The following PPRC1 variants were observed in gnomAD, a reference collection of about 807,000 sequenced individuals.
PPRC1 encodes the protein peroxisome proliferator-activated receptor gamma coactivator-related protein 1.
Under a neutral mutation model 132.5 loss-of-function variants are expected in PPRC1, and 23 were observed. The observed-to-expected ratio is 0.17, with a 90% CI of 0.12 to 0.25. The LOEUF (loss-of-function observed/expected upper bound fraction) is 0.25. Ranked by LOEUF, PPRC1 falls within the 10% of genes least tolerant of loss-of-function variation. The pLI is 1.00. For missense variants in PPRC1, 2,006 were observed against 2,089.1 expected (o/e 0.96, Z 0.78); for synonymous variants, 872 against 833.5 (o/e 1.05, Z -0.80).
At chr10:102,128,313 T>C (rs2068493637), upstream of PPRC1, among the ~76,000 whole-genome samples, 1 of 152,032 alleles carries the variant, frequency 6.6e-6, no homozygotes, top group South Asian at 2.1e-4. Context: ...CTAATTTTTG[T>C]ATTTTTAGTA....
chr10:102,134,197 A>C (rs777531100), intron 1 of PPRC1, among the ~76,000 whole-genome samples: 15 of 152,076 alleles, frequency 9.9e-5, no homozygotes, highest in Admixed American at 3.3e-4. Flanking sequence ...TCCTCTCCTC[A>C]CTTTTTCCTC....
In PPRC1 at chr10:102,147,190, C is replaced by T. The variant is rs778910970; in HGVS notation, c.4198C>T (p.Arg1400Trp). 47 of 1,613,878 alleles carry T rather than the reference C, an allele frequency of 2.9e-5. No individual in the cohort carries two copies. The highest frequency in any genetic ancestry group is 6.7e-5 in the Admixed American group (4 of 60,008). Reference sequence around the variant, plus strand: ...TCCCCCTGAACCCTCAGCCAAGCAGCGGTCAATGCGCTGTTACCGAAAAGC... The same window carrying T: ...TCCCCCTGAACCCTCAGCCAAGCAGTGGTCAATGCGCTGTTACCGAAAAGC... ...RTPPEPSAKQ[R>W]SMRCYRKACR... is the part of the protein sequence containing the mutation. The change falls in exon 9 of 14, where the codon CGG becomes TGG. Residue 1400 changes from arginine (R) to tryptophan (W), a missense_variant. Transcript: ENST00000278070.
Position 102,140,761 on chromosome 10 carries a change from C to T in PPRC1, c.2253C>T (p.Leu751=), listed in dbSNP as rs1484801663. Residue 751 remains leucine, a synonymous_variant, in exon 5 of 14, where the codon CTC becomes CTT. Coordinates refer to ENST00000278070, the MANE Select transcript of PPRC1 (RefSeq NM_015062.5). ...CCCATGAAGCCAGACCTCGGCCTCTCAGCTTATCTGAGTACCGGCGACGAA... is the reference window on the plus strand; with the variant it reads ...CCCATGAAGCCAGACCTCGGCCTCTTAGCTTATCTGAGTACCGGCGACGAA... ...ATTHEARPRP[L]SLSEYRRRRQ... 6.2e-7 allele frequency: 1 copy of T among 1,613,912 alleles called. No individual in the cohort carries two copies. Among genetic ancestry groups the T allele is most frequent in the East Asian group, 2.2e-5 (1 of 44,888 alleles).
chr10:102,140,826 A>G lies in PPRC1; in HGVS notation c.2318A>G (p.Gln773Arg). The change falls in exon 5 of 14, where the codon CAG becomes CGG. Residue 773 changes from glutamine to arginine, a missense_variant. Gln to Arg is a conservative substitution (Grantham distance 43, BLOSUM62 1). Coordinates refer to ENST00000278070, the MANE Select transcript of PPRC1 (RefSeq NM_015062.5). ...RQAETEERSP[Q>R]PPTGKWPSLP... ...GCAGAAACAGAAGAGAGAAGTCCAC[A>G]GCCCCCAACTGGGAAGTGGCCTAGC... 1.2e-6 allele frequency: 2 copies of G among 1,614,034 alleles called. No individual in the cohort carries two copies. Among genetic ancestry groups the G allele is most frequent in the Non-Finnish European group, 8.5e-7 (1 of 1,180,014 alleles).
At chr10:102,144,937 CT>C in intron 7 of PPRC1, 82 bp from the exon 8 acceptor site, 1 of 1,138,436 alleles carries the variant, frequency 8.8e-7, no homozygotes, top group Non-Finnish European at 1.3e-6. Context: ...CACCCACCCC[CT>C]CCCATTGATT....
chr10:102,143,127 A>G (rs765541822), intron 6 of PPRC1, 29 bp downstream of exon 6: 2 of 1,600,084 alleles, frequency 1.2e-6, no homozygotes, highest in East Asian at 2.2e-5. Context: ...TTTTGCTCCA[A>G]CTCTTTTTTT....
Position 102,141,494 on chromosome 10 carries a change from A to C in PPRC1, c.2986A>C (p.Thr996Pro), listed in dbSNP as rs766876349. The C allele has an allele frequency of 8.1e-6, 13 of 1,613,604 alleles. No homozygotes were observed. The African/African-American group carries it at 9.4e-5, about 12-fold the overall frequency. Reference protein sequence around the residue: ...PGPQHAPFWSTVPPPPLPPAS... With the variant: ...PGPQHAPFWSPVPPPPLPPAS... ...GCCTCAACATGCTCCATTCTGGTCTACTGTTCCCCCACCTCCTTTGCCTCC... is the reference window on the plus strand; with the variant it reads ...GCCTCAACATGCTCCATTCTGGTCTCCTGTTCCCCCACCTCCTTTGCCTCC... The change falls in exon 5 of 14, where the codon ACT becomes CCT. Residue 996 changes from threonine (T) to proline (P), a missense_variant. By Grantham distance (38) the Thr-to-Pro change is conservative (BLOSUM62 -1). Around this residue, in one of 2 missense-constraint regions of PPRC1, gnomAD observed 1,914 missense variants for 1,917.2 expected, o/e 1.00. Coordinates refer to ENST00000278070, the MANE Select transcript of PPRC1 (RefSeq NM_015062.5).
chr10:102,149,729 C>T (rs1310714865), intron 13 of PPRC1, among the ~76,000 whole-genome samples, 197 bp from the exon 14 acceptor site: 1 of 110,652 alleles, frequency 9.0e-6, no homozygotes, highest in South Asian at 3.2e-4. Context: ...GAGACTGTCT[C>T]AAAAAAAAAA....
At chr10:102,146,411 T>C (rs565661802) in intron 8 of PPRC1, among the ~76,000 whole-genome samples, 1 of 152,146 alleles carries the variant, frequency 6.6e-6, no homozygotes, top group South Asian at 2.1e-4. Flanking sequence ...GAGCTTAGAC[T>C]CTAGGACCTG....
At chr10:102,137,217 TA>T (rs1186519926) in intron 1 of PPRC1, among the ~76,000 whole-genome samples, 1 of 152,032 alleles carries the variant, frequency 6.6e-6, no homozygotes, top group African/African-American at 2.4e-5. Flanking sequence ...TGGGCGCCTA[TA>T]ATCCCAGCTG....
At chr10:102,134,396 G>A (rs1272024952) in intron 1 of PPRC1, among the ~76,000 whole-genome samples, 2 of 152,022 alleles carry the variant, frequency 1.3e-5, no homozygotes, top group East Asian at 1.9e-4. Flanking sequence ...TTTTTTCTTG[G>A]CCTTCAAAAA....
chr10:102,147,273 C>T lies in PPRC1; in HGVS notation c.4281C>T (p.Ser1427=). 2 of 1,613,048 alleles carry T rather than the reference C, an allele frequency of 1.2e-6. No homozygotes were observed. Among genetic ancestry groups the T allele is most frequent in the Non-Finnish European group, 1.7e-6 (2 of 1,180,038 alleles). The change falls in exon 9 of 14, where the codon AGC becomes AGT. Residue 1427 remains serine, a synonymous_variant. Coordinates refer to ENST00000278070, the MANE Select transcript of PPRC1 (RefSeq NM_015062.5). ...QGWQGRRGRN[S]RSVSSGSNRT... is the part of the protein sequence containing the mutation. Reference sequence around the variant, plus strand: ...GGCAGGGCCGCCGAGGCCGCAACAGCCGTTCTGTCAGCTCTGGGTCCAACC... The same window carrying T: ...GGCAGGGCCGCCGAGGCCGCAACAGTCGTTCTGTCAGCTCTGGGTCCAACC...
In PPRC1 at chr10:102,140,594, G is replaced by A; in HGVS notation, c.2086G>A (p.Gly696Ser). The A allele has an allele frequency of 6.2e-7, 1 of 1,614,042 alleles. No homozygotes were observed. Among genetic ancestry groups the A allele is most frequent in the Admixed American group, 1.7e-5 (1 of 59,998 alleles). The change falls in exon 5 of 14, where the codon GGT becomes AGT. Residue 696 changes from glycine to serine, a missense_variant. Coordinates refer to ENST00000278070, the MANE Select transcript of PPRC1 (RefSeq NM_015062.5). ...VKSRPTDPRR[G>S]AVSSALGGSA... The stretch of plus-strand genomic sequence containing the variant: ...GTCCAGACCAACTGATCCCAGACGT[G>A]GTGCAGTGTCATCAGCCCTGGGGGG...
At chr10:102,121,316 C>T in the PPRC1 span, among the ~76,000 whole-genome samples, 1 of 152,184 alleles carries the variant, frequency 6.6e-6, no homozygotes, top group Non-Finnish European at 1.5e-5. Context: ...GCCTCCGACC[C>T]CCCTGCCTGG....
chr10:102,128,732 A>G (rs1488181022), upstream of PPRC1, among the ~76,000 whole-genome samples: 1 of 144,938 alleles, frequency 6.9e-6, no homozygotes, highest in South Asian at 2.2e-4. Flanking sequence ...CTCCTGCCTC[A>G]GCCTCCTGAG....
chr10:102,129,436 C>A (rs1454189791), upstream of PPRC1, among the ~76,000 whole-genome samples: 1 of 152,076 alleles, frequency 6.6e-6, no homozygotes, highest in Non-Finnish European at 1.5e-5. Context: ...GATATATTAC[C>A]TTTTTTGAGT....
chr10:102,140,872 G>A lies in PPRC1; in HGVS notation c.2364G>A (p.Gly788=). Residue 788 remains glycine (G), a synonymous_variant, in exon 5 of 14, where the codon GGG becomes GGA. Transcript: ENST00000278070. The part of the protein sequence containing the change: ...KWPSLPETPT[G]LADIPCLVIP... Reference sequence around the variant, plus strand: ...CTAGCCTTCCAGAGACTCCCACAGGGCTGGCAGACATCCCTTGTCTTGTCA... The same window carrying A: ...CTAGCCTTCCAGAGACTCCCACAGGACTGGCAGACATCCCTTGTCTTGTCA... The A allele has an allele frequency of 1.9e-6, 3 of 1,614,088 alleles. No individual in the cohort carries two copies. Among genetic ancestry groups the A allele is most frequent in the Non-Finnish European group, 1.7e-6 (2 of 1,180,022 alleles).
chr10:102,144,256 AG>A lies in PPRC1; in HGVS notation c.3559del (p.Glu1187SerfsTer13). On this transcript the variant is annotated frameshift_variant, in exon 7 of 14. Coordinates refer to ENST00000278070, the MANE Select transcript of PPRC1 (RefSeq NM_015062.5). LOFTEE classifies it high-confidence loss of function. The part of the protein sequence containing the change: ...LEQFEKSEAK[K>X]ECPPPAPADS... ...TAGTATGGTTTCTTTGCAGCCAAAA[AG>A]GAGTGTCCTCCTCCGGCTCCTGCTG... The A allele has an allele frequency of 6.2e-7, 1 of 1,614,198 alleles. No homozygotes were observed. Among genetic ancestry groups the A allele is most frequent in the Non-Finnish European group, 8.5e-7 (1 of 1,180,020 alleles).
In PPRC1 at chr10:102,146,658, C is replaced by T. The variant is rs774159698; in HGVS notation, c.3680-14C>T. ...ATCTCATCCTGCTATCTCCATCCTC[C>T]CTCCCCACCACAGGGCTCACCCCTC... On this transcript the variant is annotated splice_polypyrimidine_tract_variant and intron_variant, in intron 8 of 13. Coordinates refer to ENST00000278070, the MANE Select transcript of PPRC1 (RefSeq NM_015062.5). The T allele has an allele frequency of 6.3e-7, 1 of 1,592,062 alleles. No individual in the cohort carries two copies. The highest frequency in any genetic ancestry group is 2.2e-5 in the East Asian group (1 of 44,584).
Sources: gnomAD v4.1 joint callset for allele counts (sites outside exome capture counted in the v4.1 genomes callset) on GRCh38, gnomAD v4.1.1 for gene constraint, gnomAD v4.1.1 regional missense constraint, MANE v1.5 for transcripts, NCBI Gene and HGNC (gene_info 2026-07-23, HGNC 2026-07-21) for gene names.